The following HHIPL2 variants were observed in gnomAD, a reference collection of about 807,000 sequenced individuals.
HHIPL2 encodes the protein HHIP-like protein 2.
A neutral mutation model predicts 61.0 loss-of-function variants in HHIPL2; 61 were observed. That is an observed-to-expected ratio of 1.00 (90% CI 0.81 to 1.24). HHIPL2 has a LOEUF of 1.24. HHIPL2 is among the 50% of genes most tolerant of loss of function. The probability of loss-of-function intolerance (pLI) is 0.00; values close to 1 mark genes in which losing one functional copy is unlikely to be tolerated. For missense variants in HHIPL2, 885 were observed against 910.2 expected, an observed-to-expected ratio of 0.97 and a Z score of 0.36; for synonymous variants, 343 against 357.4, an observed-to-expected ratio of 0.96 and a Z score of 0.45.
intron 6 of HHIPL2, 108 bp downstream of exon 6, chr1:222,531,858 T>G: frequency 1.0e-6 from 1 of 981,440 alleles, no homozygotes; most frequent in Non-Finnish European, 1.5e-6. Flanking sequence ...TAAACGATAG[T>G]GATCATAGTA....
chr1:222,533,844 A>G lies in HHIPL2; in HGVS notation c.1578-1733T>C, dbSNP rs1389937996. ...AAGATATTGCTGAGAGTCCAGGAAGACCAATGCAGTAAGAGATTGCAGGAC... is the reference window on the plus strand; with the variant it reads ...AAGATATTGCTGAGAGTCCAGGAAGGCCAATGCAGTAAGAGATTGCAGGAC... On this transcript the variant is annotated intron_variant, in intron 5 of 8. Coordinates refer to ENST00000343410, the MANE Select transcript of HHIPL2 (RefSeq NM_024746.4). Among the ~76,000 whole-genome samples the G allele has an allele frequency of 2.6e-5, 4 of 152,212 alleles. No homozygotes were observed. In the East Asian group the frequency reaches 7.7e-4, roughly 29 times the overall value.
rs1659401589 is a variant in HHIPL2, at chr1:222,540,213, T to C, written c.1247A>G (p.Tyr416Cys). ...EPGAHPAIYA[Y>C]GIRNMWRCAV... ...ACAACGCCACATGTTCCTGATCCCATAGGCATAGATGGCGGGGTGGGCCCC... is the reference window on the plus strand; with the variant it reads ...ACAACGCCACATGTTCCTGATCCCACAGGCATAGATGGCGGGGTGGGCCCC... Residue 416 changes from tyrosine to cysteine, a missense_variant, in exon 4 of 9, where the codon TAT becomes TGT. Tyr to Cys is a radical substitution (Grantham distance 194, BLOSUM62 -2). Transcript: ENST00000343410. The C allele has an allele frequency of 6.2e-7, 1 of 1,614,234 alleles. No homozygotes were observed. The highest frequency in any genetic ancestry group is 1.1e-5 in the South Asian group (1 of 91,086).
chr1:222,536,899 T>A (rs2087189), intron 5 of HHIPL2, among the ~76,000 whole-genome samples: 34,604 of 151,234 alleles, frequency 0.23, 3,916 homozygotes, highest in East Asian at 0.25. Context: ...AAAAAAAAAT[T>A]TTTTTTAATT....
chr1:222,545,089 T>G (rs17463538), intron 1 of HHIPL2, among the ~76,000 whole-genome samples: 72,182 of 151,966 alleles, frequency 0.47, 17,697 homozygotes, highest in Middle Eastern at 0.7. Flanking sequence ...AAATAGAATA[T>G]TGTGAGCAGA....
At chr1:222,535,166 T>G (rs1392138199) in intron 5 of HHIPL2, among the ~76,000 whole-genome samples, 1 of 152,072 alleles carries the variant, frequency 6.6e-6, no homozygotes, top group Non-Finnish European at 1.5e-5. Context: ...AGCCAGAAAA[T>G]AGTGGCGCAG....
intron 4 of HHIPL2, 90 bp from the exon 5 acceptor site, chr1:222,538,864 T>A: frequency 7.4e-7 from 1 of 1,357,368 alleles, no homozygotes; most frequent in South Asian, 1.3e-5. Context: ...TGCAGTTGCC[T>A]AATTCAGTAA....
At chr1:222,523,062 C>T (rs1243263949) in intron 8 of HHIPL2, among the ~76,000 whole-genome samples, 175 bp from the exon 9 acceptor site, 2 of 152,146 alleles carry the variant, frequency 1.3e-5, no homozygotes, top group Admixed American at 1.3e-4. Flanking sequence ...TCCAGTGATA[C>T]ATGGTTCTGT....
At chr1:222,541,279 G>A (rs1193464375) in intron 3 of HHIPL2, among the ~76,000 whole-genome samples, 1 of 152,198 alleles carries the variant, frequency 6.6e-6, no homozygotes, top group Non-Finnish European at 1.5e-5. Context: ...GCAAAGGGCA[G>A]AAGGACCACA....
chr1:222,536,886 CA>C (rs1398667076), intron 5 of HHIPL2, among the ~76,000 whole-genome samples: 1,954 of 140,046 alleles, frequency 0.014, 38 homozygotes, highest in African/African-American at 0.052. Flanking sequence ...TCCATCTCTA[CA>C]AAAAAAAAAA....
chr1:222,526,494 T>C (rs988654284), intron 7 of HHIPL2, among the ~76,000 whole-genome samples: 2 of 150,860 alleles, frequency 1.3e-5, no homozygotes, highest in African/African-American at 2.4e-5. Context: ...TCACCTGAGG[T>C]CGGGAGTTCA....
In HHIPL2 at chr1:222,522,408, G is replaced by A; in HGVS notation, c.*193C>T. ...GCAATCTGGGATATGGTCTCCCACA[G>A]AAGCACTGCATACAGAGAAGGTGCA... is the stretch of plus-strand genomic sequence containing the variant. On this transcript the variant is annotated 3_prime_UTR_variant, in exon 9 of 9. Transcript: ENST00000343410. 1.6e-6 allele frequency: 1 copy of A among 634,998 alleles called. No individual in the cohort carries two copies. The highest frequency in any genetic ancestry group is 2.8e-6 in the Non-Finnish European group (1 of 361,080). 39.3% of individuals were successfully genotyped at this position (634,998 alleles called of 1,614,324 possible). A position where few individuals can be genotyped will look rare whatever the true frequency, so the allele number is the denominator to read the frequency against.
chr1:222,538,307 G>A (rs1659348812), intron 5 of HHIPL2, among the ~76,000 whole-genome samples: 1 of 151,276 alleles, frequency 6.6e-6, no homozygotes, highest in African/African-American at 2.4e-5. Flanking sequence ...ACTGGGGACG[G>A]GGGACAGGCT....
intron 6 of HHIPL2, among the ~76,000 whole-genome samples, chr1:222,531,063 C>T (rs755558504): frequency 1.3e-4 from 20 of 152,326 alleles, no homozygotes; most frequent in Middle Eastern, 6.8e-3. Flanking sequence ...GTGTCTCTCT[C>T]GCTCATGTGT....
intron 5 of HHIPL2, among the ~76,000 whole-genome samples, chr1:222,535,591 C>T (rs1455594837): frequency 6.6e-6 from 1 of 152,196 alleles, no homozygotes; most frequent in Non-Finnish European, 1.5e-5. Flanking sequence ...TCGGTTCCCT[C>T]ACTCTTTCCA....
Position 222,522,597 on chromosome 1 carries a change from T to C in HHIPL2, c.*4A>G, listed in dbSNP as rs775069065. On this transcript the variant is annotated 3_prime_UTR_variant, in exon 9 of 9. Transcript: ENST00000343410. ...TCACCCTGTCGGCCACCTTGACCAA[T>C]AGGTCAAGGGAGACTTCTGCCAGCT... 3.1e-6 allele frequency: 5 copies of C among 1,610,072 alleles called. No individual in the cohort carries two copies. The East Asian group carries it at 6.7e-5, about 22-fold the overall frequency.
chr1:222,539,925 G>T, intron 4 of HHIPL2, 85 bp downstream of exon 4: 5 of 1,128,548 alleles, frequency 4.4e-6, no homozygotes, highest in Non-Finnish European at 5.2e-6. Context: ...GACCTGCAGG[G>T]CAGGACATTC....
intron 6 of HHIPL2, among the ~76,000 whole-genome samples, chr1:222,531,528 A>C (rs1425057513): frequency 6.6e-6 from 1 of 152,062 alleles, no homozygotes; most frequent in African/African-American, 2.4e-5. Context: ...CGGGCAGATC[A>C]CCTGAGGTCA....
intron 1 of HHIPL2, 26 bp downstream of exon 1, chr1:222,547,698 T>C (rs753215945): frequency 1.3e-6 from 2 of 1,592,278 alleles, no homozygotes; most frequent in African/African-American, 2.7e-5. Context: ...CCCAAACCCC[T>C]GGGGCTGGAA....
chr1:222,546,794 G>A (rs984888952), intron 1 of HHIPL2, among the ~76,000 whole-genome samples: 3 of 152,184 alleles, frequency 2.0e-5, no homozygotes, highest in African/African-American at 7.2e-5. Flanking sequence ...ACCACTTCAC[G>A]CCCTATGTGG....
Sources: allele counts gnomAD v4.1 joint callset (sites outside exome capture counted in the v4.1 genomes callset), GRCh38; gene constraint gnomAD v4.1.1; transcripts MANE v1.5; gene names NCBI Gene and HGNC (gene_info 2026-07-23, HGNC 2026-07-21).